Variants in GALNT7 observed in about 807,000 individuals in gnomAD.
The protein encoded by GALNT7 is polypeptide N-acetylgalactosaminyltransferase 7, also known as N-acetylgalactosaminyltransferase 7.
In GALNT7, 60 loss-of-function variants were observed where a neutral mutation model predicts 82.1. That is an observed-to-expected ratio of 0.73 (90% CI 0.59 to 0.91). The LOEUF (loss-of-function observed/expected upper bound fraction) is 0.91, where lower values mean the gene tolerates loss of function less well. Ranked by LOEUF, GALNT7 falls within the 40% of genes least tolerant of loss-of-function variation. GALNT7 has a pLI of 0.00. For missense variants in GALNT7, 660 were observed against 804.2 expected (o/e 0.82, Z 2.17); for synonymous variants, 243 against 275.1 (o/e 0.88, Z 1.15).
chr4:173,301,976 C>A, intron 6 of GALNT7, 71 bp from the exon 7 acceptor site: 1 of 752,594 alleles, frequency 1.3e-6, no homozygotes. Flanking sequence ...TTCTACAAGG[C>A]TTCTTGCCTA....
chr4:173,211,784 A>G (rs889187499), intron 1 of GALNT7, among the ~76,000 whole-genome samples: 3 of 152,180 alleles, frequency 2.0e-5, no homozygotes, highest in Non-Finnish European at 4.4e-5. Context: ...GACTCACCTC[A>G]TAGATTATAC....
chr4:173,280,204 A>G (rs1736062414), intron 2 of GALNT7, among the ~76,000 whole-genome samples: 8 of 152,200 alleles, frequency 5.3e-5, no homozygotes. Context: ...ACACAAAAGC[A>G]TGCACACACA....
intron 1 of GALNT7, among the ~76,000 whole-genome samples, chr4:173,177,431 G>A (rs572313009): frequency 6.6e-6 from 1 of 152,284 alleles, no homozygotes; most frequent in Admixed American, 6.5e-5. Flanking sequence ...GCATTTCATT[G>A]GCCAGAGGGT....
chr4:173,284,045 A>C lies in GALNT7; in HGVS notation c.588-8063A>C, dbSNP rs550415936. 4.6e-5 allele frequency among the ~76,000 whole-genome samples: 7 copies of C among 152,404 alleles called. No homozygotes were observed. The South Asian group carries it at 1.2e-3, about 27-fold the overall frequency. ...GAAAGTTTCCTTGACTCTGAAAAAC[A>C]AAACAAGAATTAGCAGTGTTCAAAG... On this transcript the variant is annotated intron_variant, in intron 2 of 11. Transcript: ENST00000265000.
Position 173,323,446 on chromosome 4 carries a change from C to T in GALNT7, c.*1729C>T, listed in dbSNP as rs763339589. ...TAGGGATGTTTAACATTTATAATTG[C>T]AAAATAAACCAACTATAAAAAAAGA... On this transcript the variant is annotated 3_prime_UTR_variant, in exon 12 of 12. Coordinates refer to ENST00000265000, the MANE Select transcript of GALNT7 (RefSeq NM_017423.3). 1.3e-5 allele frequency: 2 copies of T among 152,376 alleles called. No homozygotes were observed. The highest frequency in any genetic ancestry group is 2.9e-5 in the Non-Finnish European group (2 of 67,936). 9.4% of individuals were successfully genotyped at this position (152,376 alleles called of 1,614,324 possible).
intron 5 of GALNT7, among the ~76,000 whole-genome samples, chr4:173,296,270 T>C (rs1736713528): frequency 2.0e-5 from 3 of 152,198 alleles, no homozygotes; most frequent in Admixed American, 2.0e-4. Flanking sequence ...TGTCAAGGTT[T>C]TGGGTTCCTA....
intron 11 of GALNT7, among the ~76,000 whole-genome samples, chr4:173,319,904 T>G (rs1425707824): frequency 6.6e-6 from 1 of 152,146 alleles, no homozygotes; most frequent in Non-Finnish European, 1.5e-5. Flanking sequence ...GAAGTGTCAT[T>G]GCACAAGTCC....
At chr4:173,298,467 T>C in intron 6 of GALNT7, 170 bp downstream of exon 6, 2 of 545,434 alleles carry the variant, frequency 3.7e-6, no homozygotes, top group Non-Finnish European at 3.2e-6. Context: ...ATTTGCTCCA[T>C]TGTAATTGCT....
At chr4:173,170,126 C>T (rs941694670) in intron 1 of GALNT7, among the ~76,000 whole-genome samples, 1 of 152,168 alleles carries the variant, frequency 6.6e-6, no homozygotes, top group Non-Finnish European at 1.5e-5. Flanking sequence ...CCGACCCTGA[C>T]CTGCTTCCCC....
At chr4:173,270,517 G>A (rs190026006) in intron 2 of GALNT7, among the ~76,000 whole-genome samples, 3 of 152,296 alleles carry the variant, frequency 2.0e-5, no homozygotes, top group Admixed American at 6.5e-5. Context: ...CACCATAGAG[G>A]TCAGTGCTGT....
chr4:173,197,275 A>G (rs914112943), intron 1 of GALNT7, among the ~76,000 whole-genome samples: 1 of 152,156 alleles, frequency 6.6e-6, no homozygotes, highest in African/African-American at 2.4e-5. Context: ...TCTCTAAAAG[A>G]TAAATTTATA....
chr4:173,256,731 A>G (rs1222150047), intron 2 of GALNT7, among the ~76,000 whole-genome samples: 1 of 152,250 alleles, frequency 6.6e-6, no homozygotes, highest in African/African-American at 2.4e-5. Flanking sequence ...TGCTGGGCTT[A>G]GGGCTATGCT....
intron 9 of GALNT7, among the ~76,000 whole-genome samples, chr4:173,314,956 C>T (rs532094886): frequency 6.6e-6 from 1 of 152,238 alleles, no homozygotes; most frequent in African/African-American, 2.4e-5. Context: ...GAAGCAAAGT[C>T]GTTTTTCTCA....
At chr4:173,289,682 G>C (rs1242267689) in intron 2 of GALNT7, among the ~76,000 whole-genome samples, 1 of 152,160 alleles carries the variant, frequency 6.6e-6, no homozygotes, top group African/African-American at 2.4e-5. Flanking sequence ...TTTCCATGGA[G>C]CCCACCATGT....
intron 2 of GALNT7, among the ~76,000 whole-genome samples, chr4:173,291,771 A>G (rs1736541364): frequency 6.6e-6 from 1 of 151,840 alleles, no homozygotes; most frequent in Non-Finnish European, 1.5e-5. Flanking sequence ...TTCAAAAAGG[A>G]AAATAACTAA....
At chr4:173,174,066 T>C (rs539000618) in intron 1 of GALNT7, among the ~76,000 whole-genome samples, 322 of 152,278 alleles carry the variant, frequency 2.1e-3, no homozygotes, top group Non-Finnish European at 3.8e-3. Flanking sequence ...TGTAGTGTCT[T>C]AAGTGGTCAC....
chr4:173,297,959 A>G (rs143202333), intron 5 of GALNT7, 156 bp from the exon 6 acceptor site: 1 of 1,479,774 alleles, frequency 6.8e-7, no homozygotes, highest in Admixed American at 2.7e-5. Flanking sequence ...AAAAGAAAAC[A>G]TAAAACTGAA....
At chr4:173,185,253 A>G (rs1340177206) in intron 1 of GALNT7, among the ~76,000 whole-genome samples, 1 of 152,218 alleles carries the variant, frequency 6.6e-6, no homozygotes, top group Non-Finnish European at 1.5e-5. Context: ...ACTCAGGTTC[A>G]CTGAATTCTC....
chr4:173,265,867 G>A (rs779062307), intron 2 of GALNT7, among the ~76,000 whole-genome samples: 4 of 152,044 alleles, frequency 2.6e-5, no homozygotes, highest in Non-Finnish European at 5.9e-5. Context: ...GGAGCCCAGT[G>A]CATAAGATTG....
Sources: allele counts gnomAD v4.1 joint callset (sites outside exome capture counted in the v4.1 genomes callset), GRCh38; gene constraint gnomAD v4.1.1; transcripts MANE v1.5; gene names NCBI Gene and HGNC (gene_info 2026-07-23, HGNC 2026-07-21).